RBFOX2: variants seen among roughly 807,000 people sequenced by gnomAD.
RBFOX2 encodes RNA binding protein fox-1 homolog 2.
A neutral mutation model predicts 49.1 loss-of-function variants in RBFOX2; 10 were observed. That is an observed-to-expected ratio of 0.20 (90% confidence interval 0.13 to 0.35). The LOEUF (loss-of-function observed/expected upper bound fraction) is 0.35, where lower values mean the gene tolerates loss of function less well. Ranked by LOEUF, RBFOX2 falls within the 10% of genes least tolerant of loss-of-function variation. The pLI is 1.00. For missense variants in RBFOX2, 323 were observed against 486.9 expected (o/e 0.66, Z 3.17); for synonymous variants, 183 against 187.4 (o/e 0.98, Z 0.19).
intron 1 of RBFOX2, among the ~76,000 whole-genome samples, chr22:35,895,488 T>C (rs2047733058): frequency 6.6e-6 from 1 of 152,226 alleles, no homozygotes; most frequent in African/African-American, 2.4e-5. Context: ...ACACCACTAT[T>C]CTTTACGTCA....
At chr22:35,863,836 C>CTG (rs1285597032) in intron 1 of RBFOX2, among the ~76,000 whole-genome samples, 2 of 152,202 alleles carry the variant, frequency 1.3e-5, no homozygotes, top group South Asian at 4.1e-4. Context: ...CTGAATGTTT[C>CTG]TGTGCAGCTC....
chr22:35,897,340 G>A, intron 1 of RBFOX2: 2 of 1,363,174 alleles, frequency 1.5e-6, no homozygotes, highest in Non-Finnish European at 2.1e-6. Flanking sequence ...TGAAGCCGCA[G>A]CACCTCAATG....
intron 1 of RBFOX2, among the ~76,000 whole-genome samples, chr22:36,020,077 C>A (rs1374659805): frequency 6.6e-6 from 1 of 152,122 alleles, no homozygotes; most frequent in African/African-American, 2.4e-5. Context: ...GAACAGAGCC[C>A]TCAGAAATAA....
chr22:35,866,576 CA>C (rs2043704302), intron 1 of RBFOX2, among the ~76,000 whole-genome samples: 1 of 152,116 alleles, frequency 6.6e-6, no homozygotes, highest in Non-Finnish European at 1.5e-5. Flanking sequence ...ATATATTAAA[CA>C]TAAGATGACT....
chr22:35,916,455 T>A (rs1169675099), intron 1 of RBFOX2, among the ~76,000 whole-genome samples: 3 of 152,210 alleles, frequency 2.0e-5, no homozygotes, highest in African/African-American at 7.2e-5. Flanking sequence ...CTAATATTTG[T>A]ATTTTTAGTA....
At chr22:35,845,438 T>A (rs1266791682), upstream of RBFOX2, among the ~76,000 whole-genome samples, 1 of 150,614 alleles carries the variant, frequency 6.6e-6, no homozygotes, top group African/African-American at 2.4e-5. Flanking sequence ...AATCAAATGC[T>A]TTAGATCTTA....
chr22:35,962,097 T>A (rs185468925), upstream of RBFOX2, among the ~76,000 whole-genome samples: 704 of 152,338 alleles, frequency 4.6e-3, 1 homozygote, highest in Non-Finnish European at 6.9e-3. Flanking sequence ...CAGCTGAACA[T>A]CACAGTGTTC....
chr22:35,809,337 A>C (rs1006793871), intron 2 of RBFOX2, among the ~76,000 whole-genome samples: 8 of 152,200 alleles, frequency 5.3e-5, no homozygotes, highest in East Asian at 3.8e-4. Context: ...GTAGAGAAGA[A>C]GACGAAGTAG....
intron 1 of RBFOX2, among the ~76,000 whole-genome samples, chr22:35,868,921 G>C (rs1015366751): frequency 1.3e-5 from 2 of 152,152 alleles, no homozygotes; most frequent in African/African-American, 4.8e-5. Context: ...ATTACTTCTA[G>C]TTTAGGTATT....
At chr22:35,991,742 T>TGG in intron 1 of RBFOX2, among the ~76,000 whole-genome samples, 1 of 152,292 alleles carries the variant, frequency 6.6e-6, no homozygotes, top group East Asian at 1.9e-4. Flanking sequence ...TGAATGAAGT[T>TGG]ACTTATGATG....
At chr22:35,963,059 CAAAAAAAAAA>C (rs34027896), upstream of RBFOX2, among the ~76,000 whole-genome samples, 45 of 33,596 alleles carry the variant, frequency 1.3e-3, no homozygotes, top group South Asian at 4.9e-3. Context: ...AACTCTCCAG[CAAAAAAAAAA>C]AAAAAAAAAA....
chr22:35,798,691 ATATG>A (rs1214969657), intron 2 of RBFOX2, among the ~76,000 whole-genome samples: 1 of 152,200 alleles, frequency 6.6e-6, no homozygotes, highest in East Asian at 1.9e-4. Flanking sequence ...TTGCCCCTAT[ATATG>A]TATTTCAAAA....
At chr22:35,878,239 A>C (rs2045418735) in intron 1 of RBFOX2, among the ~76,000 whole-genome samples, 1 of 152,122 alleles carries the variant, frequency 6.6e-6, no homozygotes, top group Non-Finnish European at 1.5e-5. Context: ...TCTACTAAAA[A>C]TACAAAAAAT....
At chr22:35,959,814 G>A (rs1452083111) in intron 1 of RBFOX2, among the ~76,000 whole-genome samples, 1 of 152,130 alleles carries the variant, frequency 6.6e-6, no homozygotes, top group African/African-American at 2.4e-5. Flanking sequence ...GTCCATGGGG[G>A]ACTGTTTTGA....
upstream of RBFOX2, among the ~76,000 whole-genome samples, chr22:35,962,013 C>T (rs1248511886): frequency 6.6e-6 from 1 of 152,190 alleles, no homozygotes; most frequent in Non-Finnish European, 1.5e-5. Context: ...AAAATTCTCA[C>T]ATTCACCTCC....
intron 1 of RBFOX2, among the ~76,000 whole-genome samples, chr22:35,851,905 T>C (rs1453205552): frequency 6.6e-6 from 1 of 152,240 alleles, no homozygotes; most frequent in African/African-American, 2.4e-5. Context: ...AAAACCCTAC[T>C]TTGTCAATTC....
chr22:35,788,010 G>A (rs976696435), intron 2 of RBFOX2, among the ~76,000 whole-genome samples: 3 of 152,164 alleles, frequency 2.0e-5, no homozygotes, highest in Non-Finnish European at 4.4e-5. Flanking sequence ...CATCAACACT[G>A]CACAGGAGGT....
rs530023940 is a variant in RBFOX2 at position 36,003,210 on chromosome 22, T to C, written c.186+25030A>G. On this transcript the variant is annotated intron_variant, in intron 1 of 13. Transcript: ENST00000438146. ...TATTAACTCATTCTTCCCATAAACA[T>C]ACTTTGCAGCCTTCCAAAGCCTGAA... Among the ~76,000 whole-genome samples, 6 of 152,336 alleles carry C rather than the reference T, an allele frequency of 3.9e-5. 1 individual carries two copies. The South Asian group carries it at 1.2e-3, about 32-fold the overall frequency.
At chr22:35,989,184 A>G (rs77877145) in intron 1 of RBFOX2, among the ~76,000 whole-genome samples, 1 of 152,366 alleles carries the variant, frequency 6.6e-6, no homozygotes, top group East Asian at 1.9e-4. Context: ...AGTTGTCAGC[A>G]TATAGATGAT....
Sources: gnomAD v4.1 joint callset for allele counts (sites outside exome capture counted in the v4.1 genomes callset) on GRCh38, gnomAD v4.1.1 for gene constraint, MANE v1.5 for transcripts, NCBI Gene and HGNC (gene_info 2026-07-23, HGNC 2026-07-21) for gene names.